Variants in SLCO2A1 observed in about 807,000 individuals in gnomAD.
The protein encoded by SLCO2A1 is matrin F/G 1.
A neutral mutation model predicts 71.7 loss-of-function variants in SLCO2A1; 60 were observed. The ratio of observed to expected loss-of-function variants is 0.84; its 90% CI spans 0.68 to 1.04. The LOEUF (loss-of-function observed/expected upper bound fraction) is 1.04. SLCO2A1 is among the 50% of genes least tolerant of loss of function. The probability of loss-of-function intolerance (pLI) is 0.00; values close to 1 mark genes in which losing one functional copy is unlikely to be tolerated. For missense variants in SLCO2A1, 745 were observed against 813.4 expected (o/e 0.92, Z 1.02); for synonymous variants, 308 against 326.7 (o/e 0.94, Z 0.62).
chr3:133,951,170 A>G (rs1195611226), intron 6 of SLCO2A1, 38 bp downstream of exon 6: 6 of 1,612,934 alleles, frequency 3.7e-6, no homozygotes, highest in Admixed American at 3.3e-5. Flanking sequence ...CCTTTCTTCA[A>G]CTCCATCAGG....
At chr3:133,950,618 T>C (rs1189728033) in intron 6 of SLCO2A1, among the ~76,000 whole-genome samples, 1 of 152,320 alleles carries the variant, frequency 6.6e-6, no homozygotes, top group African/African-American at 2.4e-5. Flanking sequence ...TAGAACTTCA[T>C]GGAATTAGAA....
intron 11 of SLCO2A1, among the ~76,000 whole-genome samples, chr3:133,941,617 A>G (rs1256591789): frequency 3.3e-5 from 5 of 152,058 alleles, no homozygotes. Flanking sequence ...TGAGGTGAAG[A>G]GCGGGTCATT....
chr3:133,983,000 T>C (rs1934629170), intron 1 of SLCO2A1, among the ~76,000 whole-genome samples: 1 of 152,162 alleles, frequency 6.6e-6, no homozygotes, highest in African/African-American at 2.4e-5. Context: ...AGACTGATCA[T>C]ATTTTGCAAA....
In SLCO2A1 at chr3:133,960,121, A is replaced by AAAATAAAT. The variant is rs59630146; in HGVS notation, c.398-4936_398-4929dup. On this transcript the variant is annotated intron_variant, in intron 3 of 13. Transcript: ENST00000310926. ...GGTGACAGAGCGAGACTCCGTCTCA[A>AAAATAAAT]AAATAAATAAATAAATAAATAAATA... Among the ~76,000 whole-genome samples, 1,361 of 149,186 alleles carry AAAATAAAT rather than the reference A, an allele frequency of 9.1e-3. 9 individuals are homozygous for AAAATAAAT. Among genetic ancestry groups the AAAATAAAT allele is most frequent in the African/African-American group, 0.02 (807 of 40,542 alleles).
At chr3:133,975,663 T>A (rs542692608) in intron 2 of SLCO2A1, among the ~76,000 whole-genome samples, 1 of 152,206 alleles carries the variant, frequency 6.6e-6, no homozygotes, top group African/African-American at 2.4e-5. Context: ...CCTCCCTCCA[T>A]CCAGCCATAC....
At chr3:133,975,199 C>T (rs1023451109) in intron 2 of SLCO2A1, among the ~76,000 whole-genome samples, 11 of 152,298 alleles carry the variant, frequency 7.2e-5, no homozygotes, top group African/African-American at 2.4e-4. Flanking sequence ...GTCCCACAGT[C>T]TCAGCTCATC....
intron 11 of SLCO2A1, among the ~76,000 whole-genome samples, chr3:133,939,746 C>T (rs1933367115): frequency 6.6e-6 from 1 of 152,172 alleles, no homozygotes; most frequent in Non-Finnish European, 1.5e-5. Context: ...CCTAGATTCT[C>T]AATGAAACGG....
At chr3:134,011,832 C>T (rs1935352104) in intron 1 of SLCO2A1, among the ~76,000 whole-genome samples, 1 of 152,172 alleles carries the variant, frequency 6.6e-6, no homozygotes, top group East Asian at 1.9e-4. Flanking sequence ...TAGGATACTC[C>T]ATGAAAGCTT....
chr3:133,992,442 G>A (rs1686717534), intron 1 of SLCO2A1, among the ~76,000 whole-genome samples: 1 of 152,246 alleles, frequency 6.6e-6, no homozygotes, highest in Non-Finnish European at 1.5e-5. Flanking sequence ...TTGTGGCTGT[G>A]ATAGGGACAG....
intron 10 of SLCO2A1, among the ~76,000 whole-genome samples, chr3:133,943,654 T>C (rs1933490224): frequency 6.6e-6 from 1 of 152,234 alleles, no homozygotes; most frequent in Admixed American, 6.5e-5. Flanking sequence ...TCTTGAGGTA[T>C]GTATGCTGTT....
chr3:133,942,803 T>C (rs751550051), intron 10 of SLCO2A1, 35 bp from the exon 11 acceptor site: 2 of 1,568,722 alleles, frequency 1.3e-6, no homozygotes, highest in African/African-American at 2.7e-5. Context: ...AGGGGGAAAT[T>C]TGTTATTATT....
chr3:134,029,610 C>G, intron 1 of SLCO2A1, 97 bp downstream of exon 1: 2 of 973,464 alleles, frequency 2.1e-6, no homozygotes, highest in South Asian at 1.6e-5. Flanking sequence ...GCCCGGGGCT[C>G]CCGGAGCCTC....
In SLCO2A1 at chr3:133,953,684, C is replaced by T. The variant is rs1196094121; in HGVS notation, c.703G>A (p.Asp235Asn). The T allele has an allele frequency of 6.2e-7, 1 of 1,614,096 alleles. No homozygotes were observed. Among genetic ancestry groups the T allele is most frequent in the Admixed American group, 1.7e-5 (1 of 60,016 alleles). Residue 235 changes from aspartate (D) to asparagine (N), a missense_variant, in exon 5 of 14, where the codon GAC (aspartate) becomes AAC (asparagine). By Grantham distance (23) the Asp-to-Asn change is conservative (BLOSUM62 1). Coordinates refer to ENST00000310926, the MANE Select transcript of SLCO2A1 (RefSeq NM_005630.3). Reference sequence around the variant, plus strand: ...TCACCTGTGTTGACCCTGCCATAGTCCACAAAGATCTGCAGCATGACAGAG... The same window carrying T: ...TCACCTGTGTTGACCCTGCCATAGTTCACAAAGATCTGCAGCATGACAGAG... Reference protein sequence around the residue: ...LGSVMLQIFVDYGRVNTAAVN... With the variant: ...LGSVMLQIFVNYGRVNTAAVN...
At chr3:134,015,169 G>A (rs1404514304) in intron 1 of SLCO2A1, among the ~76,000 whole-genome samples, 7 of 152,122 alleles carry the variant, frequency 4.6e-5, no homozygotes, top group African/African-American at 7.2e-5. Context: ...TCACAATAGC[G>A]AAGATATGGA....
intron 1 of SLCO2A1, among the ~76,000 whole-genome samples, chr3:134,011,635 T>C (rs1430768822): frequency 6.6e-6 from 1 of 152,236 alleles, no homozygotes; most frequent in Admixed American, 6.5e-5. Context: ...GGTGCAGCCC[T>C]GGAGCACAGG....
At chr3:134,001,154 G>A (rs1369794244) in intron 1 of SLCO2A1, among the ~76,000 whole-genome samples, 1 of 150,928 alleles carries the variant, frequency 6.6e-6, no homozygotes, top group Non-Finnish European at 1.5e-5. Flanking sequence ...GTCTCACTCT[G>A]TCTTCCAGGC....
At chr3:133,956,395 A>T (rs1933899212) in intron 3 of SLCO2A1, among the ~76,000 whole-genome samples, 1 of 151,926 alleles carries the variant, frequency 6.6e-6, no homozygotes. Flanking sequence ...GCCTGGCCCC[A>T]CTGTTGTCTG....
At chr3:133,960,703 AATTT>A (rs1934014610) in intron 3 of SLCO2A1, among the ~76,000 whole-genome samples, 1 of 152,170 alleles carries the variant, frequency 6.6e-6, no homozygotes, top group Non-Finnish European at 1.5e-5. Flanking sequence ...TAAACAGTAA[AATTT>A]ATGTTATATA....
chr3:133,942,798 G>GA, intron 10 of SLCO2A1, 30 bp from the exon 11 acceptor site: 18 of 1,574,454 alleles, frequency 1.1e-5, no homozygotes, highest in Non-Finnish European at 1.6e-5. Flanking sequence ...GAAAAAGGGG[G>GA]AAATTTGTTA....
Sources: allele counts gnomAD v4.1 joint callset (sites outside exome capture counted in the v4.1 genomes callset), GRCh38; gene constraint gnomAD v4.1.1; transcripts MANE v1.5; gene names NCBI Gene and HGNC (gene_info 2026-07-23, HGNC 2026-07-21).